SUN2: variants seen among roughly 807,000 people sequenced by gnomAD.
The protein encoded by SUN2 is SUN domain-containing protein 2.
In SUN2, 60 loss-of-function variants were observed where a neutral mutation model predicts 100.0. That is an observed-to-expected ratio of 0.60 (90% CI 0.49 to 0.74). The LOEUF (loss-of-function observed/expected upper bound fraction) is 0.74. Among genes scored for constraint, SUN2 ranks in the 30% least tolerant of loss-of-function variants. SUN2 has a pLI of 0.00. For synonymous variants in SUN2, 367 were observed against 403.3 expected (o/e 0.91, Z 1.08); for missense variants, 834 against 954.6 (o/e 0.87, Z 1.66).
chr22:38,744,473 T>A (rs2092887215), intron 8 of SUN2, among the ~76,000 whole-genome samples: 1 of 152,086 alleles, frequency 6.6e-6, no homozygotes, highest in African/African-American at 2.4e-5. Context: ...CCCAGCTACT[T>A]CACAGGCTGA....
rs796894088 is a variant in SUN2, at chr22:38,750,131, C to T, written c.520+94G>A. The T allele has an allele frequency of 5.8e-5, 89 of 1,532,614 alleles. No individual in the cohort carries two copies. The South Asian group carries it at 1.1e-3, about 18-fold the overall frequency. The allele number at this position is 1,532,614 out of a possible 1,614,324, so 94.9% of individuals were successfully genotyped here. On this transcript the variant is annotated intron_variant, in intron 5 of 17. Transcript: ENST00000689035. ...GACCTTTCCCCAATGGTCCTACAGT[C>T]TCTCTGCATGGGCAGGATGCCCAAC...
rs1054762674 is a variant in SUN2 at position 38,755,836 on chromosome 22, C to T, written c.-111G>A. On this transcript the variant is annotated 5_prime_UTR_variant, in exon 1 of 18. Transcript: ENST00000689035. The surrounding 1 kb of genome is among the most constrained non-coding windows in gnomAD (Gnocchi z 5.7). ...CCGCCGCCGGGGCGCGCCCCCTTTC[C>T]GCGTGGGGATCCCGCGGGCGGCGCT... The T allele has an allele frequency of 4.6e-4, 451 of 983,204 alleles. No individual in the cohort carries two copies. The highest frequency in any genetic ancestry group is 5.2e-4 in the Middle Eastern group (1 of 1,912). 60.9% of individuals were successfully genotyped at this position (983,204 alleles called of 1,614,324 possible). A position where few individuals can be genotyped will look rare whatever the true frequency, so the allele number is the denominator to read the frequency against.
At chr22:38,754,664 C>G in intron 1 of SUN2, 1 of 1,288,598 alleles carries the variant, frequency 7.8e-7, no homozygotes, top group East Asian at 5.6e-5. Flanking sequence ...GCTGCCCACA[C>G]AGGGACTCCT....
At chr22:38,741,434 G>A in intron 10 of SUN2, 60 bp downstream of exon 10, 1 of 1,544,974 alleles carries the variant, frequency 6.5e-7, no homozygotes, top group South Asian at 1.1e-5. Flanking sequence ...GGTCCGAGGT[G>A]AACATGTTGG....
In SUN2 at chr22:38,738,626, G is replaced by T; in HGVS notation, c.1908C>A (p.Asn636Lys). ...CCTTGGGGGCACTGGAGATAGTGCT[G>T]TTGGGTGACAAGGCCTTGGGCACAT... ...LEHVPKALSP[N>K]STISSAPKDF... The change falls in exon 16 of 18, where the codon AAC becomes AAA. Residue 636 changes from asparagine (N) to lysine (K), a missense_variant. By Grantham distance (94) the Asn-to-Lys change is moderately conservative (BLOSUM62 0). This residue lies in a region of SUN2 where 195 missense variants were observed against 280.2 expected (regional missense o/e 0.70). Transcript: ENST00000689035. The surrounding 1 kb of genome is among the most constrained non-coding windows in gnomAD (Gnocchi z 6.6). The T allele has an allele frequency of 6.2e-7, 1 of 1,614,026 alleles. No individual in the cohort carries two copies. The highest frequency in any genetic ancestry group is 8.5e-7 in the Non-Finnish European group (1 of 1,180,010).
rs1389379124 is a variant in SUN2, at chr22:38,745,711, T to G, written c.786A>C (p.Glu262Asp). 1 of 1,613,910 alleles carries G rather than the reference T, an allele frequency of 6.2e-7. No individual in the cohort carries two copies. The highest frequency in any genetic ancestry group is 8.5e-7 in the Non-Finnish European group (1 of 1,180,002). ...GGAAATGTGGCGATGAGTCTCTGGCTTCCCAGCCCTCATCCGGCCTCCTGC... is the reference window on the plus strand; with the variant it reads ...GGAAATGTGGCGATGAGTCTCTGGCGTCCCAGCCCTCATCCGGCCTCCTGC... ...KDSRRPDEGWEARDSSPHFQA... is the reference protein window; with the variant it reads ...KDSRRPDEGWDARDSSPHFQA... The change falls in exon 8 of 18, where the codon GAA becomes GAC. Residue 262 changes from glutamate to aspartate, a missense_variant. This residue lies in a region of SUN2 where 559 missense variants were observed against 597.7 expected (regional missense o/e 0.94). Transcript: ENST00000689035.
intron 7 of SUN2, among the ~76,000 whole-genome samples, chr22:38,746,583 C>T (rs1045101203): frequency 3.9e-5 from 6 of 152,220 alleles, no homozygotes; most frequent in African/African-American, 7.2e-5. Flanking sequence ...ACACACTCCC[C>T]GAGCAGGTCA....
Position 38,750,950 on chromosome 22 carries a change from G to A in SUN2, c.372C>T (p.Thr124=), listed in dbSNP as rs369299247. The change falls in exon 4 of 18, where the codon ACC becomes ACT. Residue 124 remains threonine (T), a synonymous_variant. Coordinates refer to ENST00000689035, the MANE Select transcript of SUN2 (RefSeq NM_015374.3). ...RASGLVGRKA[T]EDFLGSSSGY... is the part of the protein sequence containing the mutation. ...CCGAGGAAGAGCCCAGGAAGTCCTCGGTGGCCTTGCGCCCCACAAGCCCGC... is the reference window on the plus strand; with the variant it reads ...CCGAGGAAGAGCCCAGGAAGTCCTCAGTGGCCTTGCGCCCCACAAGCCCGC... The A allele has an allele frequency of 5.6e-6, 9 of 1,613,840 alleles. No homozygotes were observed. Among genetic ancestry groups the A allele is most frequent in the Middle Eastern group, 1.6e-4 (1 of 6,078 alleles).
rs920479667 is a variant in SUN2, at chr22:38,749,935, T to C, written c.521-76A>G. Reference sequence around the variant, plus strand: ...CGCTCCTTTGTCCCGTCTGCCGTCCTCCCTGCCCCTACCCCACCCCCACCT... The same window carrying C: ...CGCTCCTTTGTCCCGTCTGCCGTCCCCCCTGCCCCTACCCCACCCCCACCT... On this transcript the variant is annotated intron_variant, in intron 5 of 17. Coordinates refer to ENST00000689035, the MANE Select transcript of SUN2 (RefSeq NM_015374.3). The C allele has an allele frequency of 2.7e-5, 38 of 1,425,486 alleles. No homozygotes were observed. The African/African-American group carries it at 5.4e-4, about 20-fold the overall frequency. The allele number at this position is 1,425,486 out of a possible 1,614,324, so 88.3% of individuals were successfully genotyped here. A position where few individuals can be genotyped will look rare whatever the true frequency, so the allele number is the denominator to read the frequency against.
chr22:38,738,126 G>T lies in SUN2; in HGVS notation c.2040+47C>A. On this transcript the variant is annotated intron_variant, in intron 17 of 17. Coordinates refer to ENST00000689035, the MANE Select transcript of SUN2 (RefSeq NM_015374.3). The surrounding 1 kb of genome is among the most constrained non-coding windows in gnomAD (Gnocchi z 6.6). Reference sequence around the variant, plus strand: ...AGTGCCCAGGGAGCACCTGCTGCCTGGATGGGGAGTCTGCGCCACTTCTGC... The same window carrying T: ...AGTGCCCAGGGAGCACCTGCTGCCTTGATGGGGAGTCTGCGCCACTTCTGC... 6.4e-7 allele frequency: 1 copy of T among 1,567,468 alleles called. No individual in the cohort carries two copies. Among genetic ancestry groups the T allele is most frequent in the Non-Finnish European group, 8.8e-7 (1 of 1,137,846 alleles).
intron 1 of SUN2, among the ~76,000 whole-genome samples, chr22:38,753,606 A>C (rs2146105246): frequency 1.3e-5 from 2 of 152,310 alleles, no homozygotes; most frequent in South Asian, 4.1e-4. Context: ...TGGCGCTTGC[A>C]CTGTCTGTCC....
chr22:38,748,873 G>T, intron 6 of SUN2, 90 bp from the exon 7 acceptor site: 1 of 1,305,348 alleles, frequency 7.7e-7, no homozygotes, highest in Non-Finnish European at 1.1e-6. Flanking sequence ...ACCCTGAGAT[G>T]TTTTCCTGGG....
intron 6 of SUN2, 77 bp downstream of exon 6, chr22:38,749,689 T>C: frequency 7.4e-7 from 1 of 1,356,256 alleles, no homozygotes; most frequent in Non-Finnish European, 1.0e-6. Flanking sequence ...GAATCGACCA[T>C]TACAGGTTGA....
chr22:38,745,664 T>C lies in SUN2; in HGVS notation c.813+20A>G, dbSNP rs2092898291. On this transcript the variant is annotated intron_variant, in intron 8 of 17. Transcript: ENST00000689035. ...TAATTATTGCTAAGCTCTTGGGAGC[T>C]ACCACCCTCAGAGACTCACCTGGAA... is the stretch of plus-strand genomic sequence containing the variant. The C allele has an allele frequency of 1.9e-6, 3 of 1,612,360 alleles. No individual in the cohort carries two copies. Among genetic ancestry groups the C allele is most frequent in the Non-Finnish European group, 2.5e-6 (3 of 1,179,812 alleles).
At position 38,735,287 on chromosome 22, in the gene SUN2, G is replaced by A. The variant is rs142956669; in HGVS notation, c.*980C>T. ...AAGAGCCCAAGGGGGCAGCCTGAGC[G>A]GACGACCCCTACATCAGGGCCTGGT... On this transcript the variant is annotated 3_prime_UTR_variant, in exon 18 of 18. Transcript: ENST00000689035. The A allele has an allele frequency of 4.3e-4, 197 of 454,170 alleles. 1 individual carries two copies. Among genetic ancestry groups the A allele is most frequent in the Admixed American group, 6.9e-4 (29 of 42,196 alleles). The allele number at this position is 454,170 out of a possible 1,614,324, so 28.1% of individuals were successfully genotyped here. A position where few individuals can be genotyped will look rare whatever the true frequency, so the allele number is the denominator to read the frequency against.
intron 6 of SUN2, chr22:38,749,029 G>A (rs2092924436): frequency 1.3e-5 from 6 of 451,118 alleles, no homozygotes; most frequent in East Asian, 1.3e-4. Context: ...AAAATAGTGT[G>A]GTCTTTGAAA....
Position 38,742,446 on chromosome 22 carries a change from A to G in SUN2, c.923T>C (p.Leu308Pro). ...GCCAGGAGCCCCTTGCCGCAGCTCC[A>G]GACGTTCCAGCCGCATGGCCTCCTT... ...WQKEAMRLER[L>P]ELRQGAPGQG... Residue 308 changes from leucine (L) to proline (P), a missense_variant, in exon 9 of 18, where the codon CTG becomes CCG. Coordinates refer to ENST00000689035, the MANE Select transcript of SUN2 (RefSeq NM_015374.3). 1 of 1,613,626 alleles carries G rather than the reference A, an allele frequency of 6.2e-7. No individual in the cohort carries two copies.
chr22:38,751,296 G>A lies in SUN2; in HGVS notation c.200C>T (p.Thr67Ile), dbSNP rs1298859549. ...GACCAGCGACTCACTGTAGTAGGAG[G>A]TGTGTGCATCAGAGGACGGGCCCAG... ...PQLGPSSDAH[T>I]SYYSESLVHE... Residue 67 changes from threonine to isoleucine, a missense_variant, in exon 3 of 18, where the codon ACC becomes ATC. Coordinates refer to ENST00000689035, the MANE Select transcript of SUN2 (RefSeq NM_015374.3). 1 of 1,614,166 alleles carries A rather than the reference G, an allele frequency of 6.2e-7. No homozygotes were observed. Among genetic ancestry groups the A allele is most frequent in the East Asian group, 2.2e-5 (1 of 44,890 alleles).
At chr22:38,742,676 T>A in intron 8 of SUN2, 121 bp from the exon 9 acceptor site, 1 of 1,345,980 alleles carries the variant, frequency 7.4e-7, no homozygotes, top group Non-Finnish European at 1.0e-6. Flanking sequence ...CGTTCCAGCA[T>A]AAGGCCATGC....
Sources: gnomAD v4.1 joint callset for allele counts (sites outside exome capture counted in the v4.1 genomes callset) on GRCh38, gnomAD v4.1.1 for gene constraint, gnomAD v4.1.1 regional missense constraint, Gnocchi (gnomAD v3.1) non-coding constraint, MANE v1.5 for transcripts, NCBI Gene and HGNC (gene_info 2026-07-23, HGNC 2026-07-21) for gene names.